The following GRB2 variants were observed in gnomAD, a reference collection of about 807,000 sequenced individuals.
GRB2 encodes the protein growth factor receptor-bound protein 2.
GRB2 carries 2 observed loss-of-function variants against 27.4 expected under a neutral mutation model. The ratio of observed to expected loss-of-function variants is 0.07; its 90% confidence interval spans 0.03 to 0.23. GRB2 has a LOEUF of 0.23. GRB2 is among the 10% of genes least tolerant of loss of function. GRB2 has a pLI of 1.00. For synonymous variants in GRB2, 94 were observed against 99.6 expected (o/e 0.94, Z 0.33); for missense variants, 102 against 282.4 (o/e 0.36, Z 4.58).
At chr17:75,359,235 G>T (rs1040705590) in intron 2 of GRB2, among the ~76,000 whole-genome samples, 1 of 150,118 alleles carries the variant, frequency 6.7e-6, no homozygotes, top group Non-Finnish European at 1.5e-5. Flanking sequence ...CCAAATAGCT[G>T]ATGGCTCATA....
At chr17:75,346,577 C>T (rs1289894178) in intron 2 of GRB2, among the ~76,000 whole-genome samples, 4 of 95,836 alleles carry the variant, frequency 4.2e-5, no homozygotes, top group African/African-American at 1.4e-4. Context: ...GCTTTTCTTG[C>T]CTTTTTTTTT....
rs1410286288 is a variant in GRB2 at position 75,321,752 on chromosome 17, G to A, written c.375C>T (p.Phe125=). Residue 125 remains phenylalanine (F), a synonymous_variant, in exon 5 of 6, where the codon TTC becomes TTT. Transcript: ENST00000316804. ...AGKYFLWVVK[F]NSLNELVDYH... is the part of the protein sequence containing the mutation. ...AATCCACCAGCTCATTCAAAGAATT[G>A]AACTTCACCACCCAGAGGAAGTACT... 1.2e-6 allele frequency: 2 copies of A among 1,613,964 alleles called. No homozygotes were observed. Among genetic ancestry groups the A allele is most frequent in the Non-Finnish European group, 1.7e-6 (2 of 1,179,960 alleles).
At chr17:75,335,727 G>A (rs1036852127) in intron 2 of GRB2, among the ~76,000 whole-genome samples, 1 of 152,058 alleles carries the variant, frequency 6.6e-6, no homozygotes, top group African/African-American at 2.4e-5. Flanking sequence ...ATTAGCTAGT[G>A]GTAAATCCCA....
At position 75,332,700 on chromosome 17, in the gene GRB2, G is replaced by A. The variant is rs55726696; in HGVS notation, c.176C>T (p.Pro59Leu). The A allele has an allele frequency of 4.4e-6, 7 of 1,581,990 alleles. No homozygotes were observed. The highest frequency in any genetic ancestry group is 2.2e-5 in the East Asian group (1 of 44,574). ...PKNYIEMKPHPWFFGKIPRAK... is the reference protein window; with the variant it reads ...PKNYIEMKPHLWFFGKIPRAK... ...CCAAGACTAATGGAGCTTAACTTAC[G>A]GATGTGGTTTCATTTCTATGTAGTT... Residue 59 changes from proline (P) to leucine (L), a missense_variant and splice_region_variant, in exon 3 of 6, where the codon CCG becomes CTG. Physicochemically the swap from Pro to Leu is moderately conservative, Grantham distance 98. Coordinates refer to ENST00000316804, the MANE Select transcript of GRB2 (RefSeq NM_002086.5).
At chr17:75,364,291 G>T (rs2078805571) in intron 2 of GRB2, among the ~76,000 whole-genome samples, 1 of 152,118 alleles carries the variant, frequency 6.6e-6, no homozygotes, top group Non-Finnish European at 1.5e-5. Flanking sequence ...TACCTATGTA[G>T]ACACTCAACA....
intron 2 of GRB2, among the ~76,000 whole-genome samples, chr17:75,338,130 A>G (rs2078594000): frequency 1.3e-5 from 2 of 151,918 alleles, no homozygotes; most frequent in Non-Finnish European, 2.9e-5. Flanking sequence ...GGGTTTCACC[A>G]TATTGGTCAG....
chr17:75,335,738 G>C (rs368706895), intron 2 of GRB2, among the ~76,000 whole-genome samples: 3 of 152,134 alleles, frequency 2.0e-5, no homozygotes, highest in African/African-American at 7.2e-5. Flanking sequence ...GTAAATCCCA[G>C]TGTATTCAAA....
At chr17:75,401,771 AAG>A (rs1320926989) in intron 1 of GRB2, among the ~76,000 whole-genome samples, 1 of 152,244 alleles carries the variant, frequency 6.6e-6, no homozygotes, top group Non-Finnish European at 1.5e-5. Context: ...TGATAATTAA[AAG>A]AGATAATGGT....
chr17:75,377,805 GC>G (rs751485120), intron 2 of GRB2, among the ~76,000 whole-genome samples: 1 of 152,064 alleles, frequency 6.6e-6, no homozygotes, highest in Non-Finnish European at 1.5e-5. Context: ...TACTAGGGAG[GC>G]TGAGGTGGTA....
At chr17:75,328,561 A>C (rs186522068) in intron 3 of GRB2, among the ~76,000 whole-genome samples, 1 of 151,276 alleles carries the variant, frequency 6.6e-6, no homozygotes, top group African/African-American at 2.4e-5. Flanking sequence ...AATCGCTTGA[A>C]TCTCCGGGAG....
At chr17:75,342,069 G>C (rs1268486421) in intron 2 of GRB2, among the ~76,000 whole-genome samples, 1 of 152,056 alleles carries the variant, frequency 6.6e-6, no homozygotes, top group Non-Finnish European at 1.5e-5. Flanking sequence ...ACTTTTCCTT[G>C]TCTACTGAAA....
At chr17:75,368,104 G>C (rs763787176) in intron 2 of GRB2, among the ~76,000 whole-genome samples, 2 of 151,932 alleles carry the variant, frequency 1.3e-5, no homozygotes, top group Non-Finnish European at 2.9e-5. Flanking sequence ...TTGTAGAGAC[G>C]GAGTTTTGCC....
chr17:75,400,518 A>G (rs1235046964), intron 1 of GRB2, among the ~76,000 whole-genome samples: 4 of 151,826 alleles, frequency 2.6e-5, no homozygotes, highest in African/African-American at 7.3e-5. Flanking sequence ...TCTGTTGCCC[A>G]GGCTGGAATG....
intron 2 of GRB2, among the ~76,000 whole-genome samples, chr17:75,334,936 T>C (rs1045226170): frequency 6.6e-6 from 1 of 151,148 alleles, no homozygotes; most frequent in Non-Finnish European, 1.5e-5. Flanking sequence ...TCATGGCATC[T>C]CAACTTCCTG....
intron 2 of GRB2, among the ~76,000 whole-genome samples, chr17:75,389,618 G>A (rs533081455): frequency 1.2e-3 from 180 of 152,250 alleles, no homozygotes; most frequent in Middle Eastern, 3.4e-3. Context: ...AGGCCGAGAC[G>A]GGCGGATCAC....
At chr17:75,324,054 C>T (rs2078479028) in intron 4 of GRB2, among the ~76,000 whole-genome samples, 1 of 151,918 alleles carries the variant, frequency 6.6e-6, no homozygotes, top group South Asian at 2.1e-4. Context: ...TCATGATCGG[C>T]CCGCCTCAGC....
chr17:75,395,255 C>CTGA (rs756076361), intron 1 of GRB2, among the ~76,000 whole-genome samples: 1 of 152,052 alleles, frequency 6.6e-6, no homozygotes, highest in Non-Finnish European at 1.5e-5. Flanking sequence ...CAGTCAAATT[C>CTGA]TGAAAGCCAA....
chr17:75,366,585 G>T (rs1426924580), intron 2 of GRB2, among the ~76,000 whole-genome samples: 1 of 151,438 alleles, frequency 6.6e-6, no homozygotes, highest in Non-Finnish European at 1.5e-5. Context: ...GATCACTTGA[G>T]CCCAGGAATT....
intron 2 of GRB2, among the ~76,000 whole-genome samples, chr17:75,379,544 A>G (rs946663734): frequency 1.3e-5 from 2 of 152,044 alleles, no homozygotes; most frequent in Non-Finnish European, 1.5e-5. Flanking sequence ...AACTACAGGC[A>G]TGCACCACCA....
Sources: gnomAD v4.1 joint callset for allele counts (sites outside exome capture counted in the v4.1 genomes callset) on GRCh38, gnomAD v4.1.1 for gene constraint, MANE v1.5 for transcripts, NCBI Gene and HGNC (gene_info 2026-07-23, HGNC 2026-07-21) for gene names.